LYST: variants seen among roughly 807,000 people sequenced by gnomAD.
LYST encodes lysosomal trafficking regulator.
Under a neutral mutation model 413.6 loss-of-function variants are expected in LYST, and 192 were observed. The ratio of observed to expected loss-of-function variants is 0.46; its 90% CI spans 0.41 to 0.52. The LOEUF is 0.52. Ranked by LOEUF, LYST falls within the 20% of genes least tolerant of loss-of-function variation. The probability of loss-of-function intolerance (pLI) is 0.00; values close to 1 mark genes in which losing one functional copy is unlikely to be tolerated. For synonymous variants in LYST, 1,525 were observed against 1,567.3 expected (o/e 0.97, Z 0.64); for missense variants, 3,815 against 4,499.9 (o/e 0.85, Z 4.35).
Position 235,830,226 on chromosome 1 carries a change from C to T in LYST, c.192G>A (p.Gln64=). Residue 64 remains glutamine (Q), a splice_region_variant and synonymous_variant, in exon 3 of 53, where the codon CAG becomes CAA. Transcript: ENST00000389793. ...LLTKLNSIID[Q]ALTCREELLT... ...TAAGTATTTGATATAAAAATGTTAC[C>T]TGATCAATTATAGAATTTAGCTTGG... is the stretch of plus-strand genomic sequence containing the variant. 1 of 1,603,532 alleles carries T rather than the reference C, an allele frequency of 6.2e-7. No homozygotes were observed.
chr1:235,677,888 A>AT (rs1216792797), intron 48 of LYST, among the ~76,000 whole-genome samples: 3 of 152,118 alleles, frequency 2.0e-5, no homozygotes, highest in African/African-American at 7.2e-5. Context: ...CCACATAAAA[A>AT]TTTCCTATTT....
intron 1 of LYST, among the ~76,000 whole-genome samples, chr1:235,842,309 C>T (rs769966311): frequency 1.3e-5 from 2 of 149,342 alleles, no homozygotes. Flanking sequence ...CTGAAGAGTA[C>T]ACAATGTGGG....
intron 38 of LYST, among the ~76,000 whole-genome samples, chr1:235,725,606 C>T (rs959480404): frequency 9.2e-5 from 14 of 152,120 alleles, no homozygotes; most frequent in African/African-American, 3.4e-4. Context: ...GGCCTGGAAA[C>T]GCCCGAGCTG....
chr1:235,777,343 C>G (rs1311779441), intron 16 of LYST, 35 bp from the exon 17 acceptor site: 2 of 1,595,536 alleles, frequency 1.3e-6, no homozygotes, highest in Non-Finnish European at 8.6e-7. Context: ...GTAATGACAA[C>G]AAGTTTAAAA....
chr1:235,697,354 G>GT (rs1661192445), intron 45 of LYST, 82 bp from the exon 46 acceptor site: 1 of 982,646 alleles, frequency 1.0e-6, no homozygotes, highest in Non-Finnish European at 1.5e-6. Flanking sequence ...TCTAAACAAA[G>GT]TAAGAGAAAG....
chr1:235,848,888 T>C (rs958362538), intron 1 of LYST, among the ~76,000 whole-genome samples: 4 of 150,336 alleles, frequency 2.7e-5, no homozygotes, highest in Admixed American at 6.6e-5. Flanking sequence ...TAATTACCAC[T>C]AAAAAAAAAG....
chr1:235,828,847 C>T (rs1675622456), intron 3 of LYST: 1 of 745,758 alleles, frequency 1.3e-6, no homozygotes, highest in Non-Finnish European at 1.6e-6. Context: ...AAAAGTCATA[C>T]AAATATATAA....
intron 10 of LYST, among the ~76,000 whole-genome samples, chr1:235,798,925 T>C (rs1019686179): frequency 2.0e-5 from 3 of 152,130 alleles, no homozygotes; most frequent in Admixed American, 6.5e-5. Flanking sequence ...GTGGTCATGG[T>C]TGCACAGCTC....
chr1:235,729,621 T>C lies in LYST; in HGVS notation c.9081A>G (p.Arg3027=), dbSNP rs1664189621. ...CTAGTAACAATTCACCAGCTGTCTC[T>C]CTAGATGGTGCAACACTGATGCATC... The part of the protein sequence containing the change: ...NRRCISVAPS[R]ETAGELLLGK... The change falls in exon 37 of 53, where the codon AGA becomes AGG. Residue 3027 remains arginine (R), a synonymous_variant. Transcript: ENST00000389793. 6.2e-7 allele frequency: 1 copy of C among 1,611,348 alleles called. No homozygotes were observed. Among genetic ancestry groups the C allele is most frequent in the Admixed American group, 1.7e-5 (1 of 59,988 alleles).
intron 1 of LYST, among the ~76,000 whole-genome samples, chr1:235,881,355 TG>T (rs1200756232): frequency 6.6e-6 from 1 of 152,210 alleles, no homozygotes; most frequent in African/African-American, 2.4e-5. Flanking sequence ...AATTACTCCT[TG>T]GAAGTTTGTA....
At chr1:235,666,824 A>G (rs1450869913) in intron 50 of LYST, among the ~76,000 whole-genome samples, 1 of 152,254 alleles carries the variant, frequency 6.6e-6, no homozygotes, top group Non-Finnish European at 1.5e-5. Flanking sequence ...AGATAAAATA[A>G]TTAGATAAGT....
At chr1:235,729,833 TAGAAG>T (rs1408653973) in intron 36 of LYST, among the ~76,000 whole-genome samples, 176 bp from the exon 37 acceptor site, 1 of 152,098 alleles carries the variant, frequency 6.6e-6, no homozygotes, top group Non-Finnish European at 1.5e-5. Flanking sequence ...AGCATTCTAT[TAGAAG>T]AGAAATGACT....
chr1:235,764,486 T>C (rs1158052954), intron 21 of LYST, among the ~76,000 whole-genome samples: 1 of 148,834 alleles, frequency 6.7e-6, no homozygotes, highest in African/African-American at 2.5e-5. Context: ...ATTTCTTTTT[T>C]TTTCTTTTCT....
chr1:235,876,087 G>A (rs963665715), intron 1 of LYST, among the ~76,000 whole-genome samples: 4 of 151,970 alleles, frequency 2.6e-5, no homozygotes, highest in Admixed American at 1.3e-4. Flanking sequence ...GCCAGGCATG[G>A]TGGCAGCTCC....
intron 16 of LYST, among the ~76,000 whole-genome samples, chr1:235,780,146 C>A (rs1240473521): frequency 6.6e-6 from 1 of 152,018 alleles, no homozygotes; most frequent in Non-Finnish European, 1.5e-5. Flanking sequence ...GTGGCTCATG[C>A]CTGTAATCTC....
chr1:235,855,361 G>A (rs1250370926), intron 1 of LYST, among the ~76,000 whole-genome samples: 2 of 152,224 alleles, frequency 1.3e-5, no homozygotes, highest in East Asian at 3.9e-4. Context: ...GTAAGGCTCT[G>A]AGAAACAGAC....
At chr1:235,717,977 C>T (rs1662996282) in intron 40 of LYST, among the ~76,000 whole-genome samples, 1 of 151,788 alleles carries the variant, frequency 6.6e-6, no homozygotes, top group African/African-American at 2.4e-5. Context: ...CATTCTCTTG[C>T]CTCAGCCTCC....
At chr1:235,869,425 T>G (rs181198974), upstream of LYST, among the ~76,000 whole-genome samples, 20 of 152,112 alleles carry the variant, frequency 1.3e-4, no homozygotes, top group East Asian at 3.3e-3. Flanking sequence ...TGAGCTGAGA[T>G]AGCGCCACTA....
At position 235,741,821 on chromosome 1, in the gene LYST, C is replaced by T. The variant is rs552610056; in HGVS notation, c.8152-193G>A. ...AGAGATGGGCATACAACATTCATAGCAGCATCACTCAAAATAGCCAAAAGG... is the reference window on the plus strand; with the variant it reads ...AGAGATGGGCATACAACATTCATAGTAGCATCACTCAAAATAGCCAAAAGG... On this transcript the variant is annotated intron_variant, in intron 30 of 52. Transcript: ENST00000389793. Among the ~76,000 whole-genome samples, 4 of 152,268 alleles carry T rather than the reference C, an allele frequency of 2.6e-5. No individual in the cohort carries two copies. In the East Asian group the frequency reaches 7.7e-4, roughly 29 times the overall value.
Sources: gnomAD v4.1 joint callset for allele counts (sites outside exome capture counted in the v4.1 genomes callset) on GRCh38, gnomAD v4.1.1 for gene constraint, MANE v1.5 for transcripts, NCBI Gene and HGNC (gene_info 2026-07-23, HGNC 2026-07-21) for gene names.